Variants in PTPRT observed in about 807,000 individuals in gnomAD.
The protein encoded by PTPRT is receptor-type tyrosine-protein phosphatase T.
PTPRT carries 56 observed loss-of-function variants against 176.8 expected under a neutral mutation model. The observed-to-expected ratio is 0.32, with a 90% CI of 0.26 to 0.40. PTPRT has a LOEUF of 0.40. Among genes scored for constraint, PTPRT ranks in the 10% least tolerant of loss-of-function variants. PTPRT has a pLI of 1.00. For synonymous variants in PTPRT, 783 were observed against 739.0 expected (o/e 1.06, Z -0.96); for missense variants, 1,540 against 1,908.2 (o/e 0.81, Z 3.60).
intron 2 of PTPRT, among the ~76,000 whole-genome samples, chr20:42,884,239 G>A (rs1416702587): frequency 6.6e-6 from 1 of 152,104 alleles, no homozygotes; most frequent in East Asian, 1.9e-4. Flanking sequence ...TTCAAAGTAA[G>A]GTCCCACCAG....
intron 9 of PTPRT, among the ~76,000 whole-genome samples, chr20:42,420,106 C>T (rs2059104983): frequency 6.6e-6 from 1 of 152,164 alleles, no homozygotes; most frequent in African/African-American, 2.4e-5. Context: ...CTGTCTAAAG[C>T]CACCTGGTTT....
At chr20:42,122,069 A>C (rs567708613) in intron 19 of PTPRT, among the ~76,000 whole-genome samples, 92 of 152,188 alleles carry the variant, frequency 6.0e-4, no homozygotes, top group Admixed American at 9.8e-4. Flanking sequence ...TAATAGGTGC[A>C]ATGTATACTA....
intron 16 of PTPRT, among the ~76,000 whole-genome samples, chr20:42,164,299 T>C (rs1989733870): frequency 1.3e-5 from 2 of 152,222 alleles, no homozygotes; most frequent in African/African-American, 4.8e-5. Flanking sequence ...AAATGTCAAA[T>C]GTTTCCAAAA....
At chr20:42,520,802 C>CATATATATATAT (rs58797064) in intron 7 of PTPRT, among the ~76,000 whole-genome samples, 1,767 of 141,680 alleles carry the variant, frequency 0.012, 18 homozygotes, top group African/African-American at 0.022. Context: ...CTTGGAAAGA[C>CATATATATATAT]ATATATATAT....
intron 9 of PTPRT, among the ~76,000 whole-genome samples, chr20:42,378,195 T>C (rs1465740964): frequency 1.3e-5 from 2 of 152,204 alleles, no homozygotes; most frequent in African/African-American, 2.4e-5. Flanking sequence ...GGGACCGTGA[T>C]GGTCTTGCTC....
chr20:43,032,927 C>T (rs532643021), intron 1 of PTPRT, among the ~76,000 whole-genome samples: 5 of 152,304 alleles, frequency 3.3e-5, no homozygotes, highest in South Asian at 2.1e-4. Flanking sequence ...GAGGTCTTGG[C>T]GGTTCTCTGG....
intron 1 of PTPRT, among the ~76,000 whole-genome samples, chr20:43,105,976 C>G (rs1374568908): frequency 1.3e-5 from 2 of 152,064 alleles, no homozygotes; most frequent in African/African-American, 4.8e-5. Flanking sequence ...CACTGAAGCC[C>G]ATCATTCACA....
At chr20:42,145,274 A>G (rs6016695) in intron 17 of PTPRT, among the ~76,000 whole-genome samples, 19,582 of 152,198 alleles carry the variant, frequency 0.13, 1,906 homozygotes, top group East Asian at 0.48. Flanking sequence ...TGCTGACGTG[A>G]GTGGATCAAG....
chr20:42,858,008 G>C (rs977374593), intron 2 of PTPRT, among the ~76,000 whole-genome samples: 2 of 152,136 alleles, frequency 1.3e-5, no homozygotes, highest in African/African-American at 4.8e-5. Context: ...GGAGTATCTT[G>C]TCCAAAGCTG....
intron 7 of PTPRT, among the ~76,000 whole-genome samples, chr20:42,584,819 A>G (rs565124086): frequency 6.6e-6 from 1 of 152,356 alleles, no homozygotes; most frequent in Non-Finnish European, 1.5e-5. Flanking sequence ...GAATGAATGA[A>G]TTAATTAGCA....
intron 7 of PTPRT, among the ~76,000 whole-genome samples, chr20:42,516,100 G>A (rs1448888736): frequency 5.3e-5 from 6 of 113,826 alleles, no homozygotes; most frequent in Admixed American, 4.5e-4. Flanking sequence ...TCTGGGGACT[G>A]TTGTGGGGTG....
intron 6 of PTPRT, among the ~76,000 whole-genome samples, chr20:42,706,284 T>C (rs966835998): frequency 6.6e-6 from 1 of 151,942 alleles, no homozygotes; most frequent in African/African-American, 2.4e-5. Context: ...GATGTTCTTG[T>C]AGCATCTCAG....
intron 7 of PTPRT, among the ~76,000 whole-genome samples, chr20:42,671,664 C>A (rs953020793): frequency 4.6e-5 from 7 of 152,188 alleles, no homozygotes; most frequent in Admixed American, 3.9e-4. Context: ...ACAATAGCAG[C>A]AACCAATAAC....
In PTPRT at chr20:42,248,727, T is replaced by C. The variant is rs1189955592; in HGVS notation, c.2272A>G (p.Ile758Val). 3.1e-6 allele frequency: 5 copies of C among 1,614,042 alleles called. No individual in the cohort carries two copies. The highest frequency in any genetic ancestry group is 4.2e-6 in the Non-Finnish European group (5 of 1,179,962). ...AGCATCACGCCCAGGAGAATGATGA[T>C]GAACATGAGGAGGCCAGCGATCACG... The part of the protein sequence containing the change: ...AGVIAGLLMF[I>V]IILLGVMLTI... Residue 758 changes from isoleucine (I) to valine (V), a missense_variant, in exon 14 of 31, where the codon ATC becomes GTC. Ile to Val is a conservative substitution (Grantham distance 29). Coordinates refer to ENST00000373187, the MANE Select transcript of PTPRT (RefSeq NM_007050.6).
At chr20:43,077,695 T>C (rs1462645843) in intron 1 of PTPRT, among the ~76,000 whole-genome samples, 1 of 152,056 alleles carries the variant, frequency 6.6e-6, no homozygotes, top group Non-Finnish European at 1.5e-5. Context: ...CATCCCTGGG[T>C]ATATGCAGAG....
At chr20:42,915,880 C>A (rs1016632801) in intron 1 of PTPRT, among the ~76,000 whole-genome samples, 1 of 151,858 alleles carries the variant, frequency 6.6e-6, no homozygotes, top group Non-Finnish European at 1.5e-5. Context: ...GGATTACAGG[C>A]GTGAGTCACC....
chr20:43,053,257 C>T (rs1433323163), intron 1 of PTPRT, among the ~76,000 whole-genome samples: 27 of 152,180 alleles, frequency 1.8e-4, no homozygotes, highest in Admixed American at 1.8e-3. Flanking sequence ...CACATCCACC[C>T]CCTCCACTCT....
intron 7 of PTPRT, among the ~76,000 whole-genome samples, chr20:42,598,921 C>T (rs1163755589): frequency 6.6e-6 from 1 of 152,132 alleles, no homozygotes; most frequent in Non-Finnish European, 1.5e-5. Flanking sequence ...TTCACGGCGG[C>T]TAAATAAACG....
At chr20:42,443,587 C>T (rs536601922) in intron 9 of PTPRT, among the ~76,000 whole-genome samples, 4 of 152,278 alleles carry the variant, frequency 2.6e-5, no homozygotes, top group East Asian at 1.9e-4. Flanking sequence ...TGGGCTCTGA[C>T]GAGGATTCTG....
Sources: allele counts gnomAD v4.1 joint callset (sites outside exome capture counted in the v4.1 genomes callset), GRCh38; gene constraint gnomAD v4.1.1; transcripts MANE v1.5; gene names NCBI Gene and HGNC (gene_info 2026-07-23, HGNC 2026-07-21).